TYW1: variants seen among roughly 807,000 people sequenced by gnomAD.
TYW1 encodes tRNA-yW synthesizing protein 1 homolog.
A neutral mutation model predicts 96.2 loss-of-function variants in TYW1; 46 were observed. The observed-to-expected ratio is 0.48, with a 90% CI of 0.38 to 0.61. TYW1 has a LOEUF of 0.61. Ranked by LOEUF, TYW1 falls within the 20% of genes least tolerant of loss-of-function variation. The pLI, the probability that TYW1 is intolerant of heterozygous loss-of-function variation, is 0.00. For synonymous variants in TYW1, 274 were observed against 323.0 expected (o/e 0.85, Z 1.63); for missense variants, 684 against 909.6 (o/e 0.75, Z 3.19).
At chr7:67,219,605 T>C (rs1801314426) in intron 15 of TYW1, among the ~76,000 whole-genome samples, 1 of 152,232 alleles carries the variant, frequency 6.6e-6, no homozygotes, top group Non-Finnish European at 1.5e-5. Context: ...CTTTGTGACT[T>C]AGTCTTGGTA....
intron 13 of TYW1, among the ~76,000 whole-genome samples, chr7:67,135,271 C>T (rs1009416776): frequency 6.8e-6 from 1 of 147,706 alleles, no homozygotes; most frequent in African/African-American, 2.5e-5. Flanking sequence ...TCACCCCAAC[C>T]AAGTTTCTTT....
chr7:67,039,205 C>T (rs1484628811), intron 7 of TYW1, among the ~76,000 whole-genome samples: 1 of 152,042 alleles, frequency 6.6e-6, no homozygotes, highest in Non-Finnish European at 1.5e-5. Flanking sequence ...TCCTGTAATC[C>T]CAGTCCTTTG....
chr7:67,223,443 C>T (rs1157417436), intron 15 of TYW1, among the ~76,000 whole-genome samples: 1 of 152,056 alleles, frequency 6.6e-6, no homozygotes, highest in East Asian at 1.9e-4. Flanking sequence ...TGTACCTTTC[C>T]CTGGGCATCC....
At chr7:67,162,337 T>C (rs1379325660) in intron 13 of TYW1, among the ~76,000 whole-genome samples, 8 of 134,830 alleles carry the variant, frequency 5.9e-5, no homozygotes, top group Admixed American at 1.5e-4. Context: ...AAAAAAAAAA[T>C]TCTGAACATC....
chr7:67,162,500 A>G (rs776392016), intron 13 of TYW1, among the ~76,000 whole-genome samples: 1 of 152,246 alleles, frequency 6.6e-6, no homozygotes. Flanking sequence ...TTAGAGATGT[A>G]TAGTTTGGGG....
intron 6 of TYW1, among the ~76,000 whole-genome samples, chr7:67,024,164 C>T (rs1021201825): frequency 1.3e-5 from 2 of 152,056 alleles, no homozygotes; most frequent in African/African-American, 4.8e-5. Context: ...TAGTCTGATG[C>T]TAAAGACTTA....
intron 13 of TYW1, among the ~76,000 whole-genome samples, chr7:67,161,531 G>T (rs544763461): frequency 1.1e-3 from 173 of 152,214 alleles, no homozygotes; most frequent in African/African-American, 4.0e-3. Context: ...GTGCTCTAAC[G>T]GGCAGCTAGG....
At chr7:67,070,147 T>G (rs1202996461) in intron 10 of TYW1, among the ~76,000 whole-genome samples, 1 of 152,234 alleles carries the variant, frequency 6.6e-6, no homozygotes, top group African/African-American at 2.4e-5. Context: ...TCTCTCTCGC[T>G]TCTTTCAAGT....
At chr7:67,210,710 T>C (rs59229186) in intron 15 of TYW1, among the ~76,000 whole-genome samples, 17,850 of 91,892 alleles carry the variant, frequency 0.19, 1,490 homozygotes, top group African/African-American at 0.33. Context: ...ATCCATCCAT[T>C]CATCATCTGT....
At chr7:67,125,124 C>T (rs1266137008) in intron 13 of TYW1, among the ~76,000 whole-genome samples, 26 of 152,256 alleles carry the variant, frequency 1.7e-4, no homozygotes, top group African/African-American at 6.0e-4. Flanking sequence ...TGAGCCACTG[C>T]GCCTGGCCTG....
intron 14 of TYW1, among the ~76,000 whole-genome samples, chr7:67,188,150 T>C (rs562768923): frequency 6.6e-6 from 1 of 152,200 alleles, no homozygotes; most frequent in East Asian, 1.9e-4. Flanking sequence ...TGAAACCCTG[T>C]CTCTACTAAA....
In TYW1 at chr7:67,217,025, C is replaced by G. The variant is rs184657836; in HGVS notation, c.1978-21283C>G. Among the ~76,000 whole-genome samples, 5 of 145,150 alleles carry G rather than the reference C, an allele frequency of 3.4e-5. No homozygotes were observed. The East Asian group carries it at 9.7e-4, about 28-fold the overall frequency. On this transcript the variant is annotated intron_variant, in intron 15 of 15. Transcript: ENST00000359626. ...CTCTGAGTTCTTATTGTAGTTTTGA[C>G]TTATATTTGCCTAATAAGTGATGCT...
At position 67,040,200 on chromosome 7, in the gene TYW1, C is replaced by T. The variant is rs140298765; in HGVS notation, c.985-9749C>T. ...TTTGAACTCCTGACCTCAAGTGATC[C>T]GCCCGCCTTGGCCTCCCAAAGTGCT... On this transcript the variant is annotated intron_variant, in intron 7 of 15. Transcript: ENST00000359626. 7.2e-3 allele frequency among the ~76,000 whole-genome samples: 1,098 copies of T among 152,218 alleles called. 8 individuals are homozygous for T. Among genetic ancestry groups the T allele is most frequent in the African/African-American group, 0.025 (1,029 of 41,534 alleles).
At chr7:67,123,626 A>G (rs975687384) in intron 13 of TYW1, among the ~76,000 whole-genome samples, 7 of 147,426 alleles carry the variant, frequency 4.7e-5, no homozygotes, top group African/African-American at 1.8e-4. Flanking sequence ...CTCTTTAGCA[A>G]CGGATTGTAG....
chr7:67,131,408 C>G (rs1798070089), intron 13 of TYW1, among the ~76,000 whole-genome samples: 1 of 152,144 alleles, frequency 6.6e-6, no homozygotes, highest in South Asian at 2.1e-4. Flanking sequence ...TAACTATAGT[C>G]TAGCTTAAGA....
At chr7:67,040,333 C>T (rs1289178827) in intron 7 of TYW1, among the ~76,000 whole-genome samples, 2 of 152,038 alleles carry the variant, frequency 1.3e-5, no homozygotes, top group Non-Finnish European at 2.9e-5. Flanking sequence ...TTATAATTAA[C>T]ACTGGTCTGA....
intron 10 of TYW1, among the ~76,000 whole-genome samples, chr7:67,069,576 G>A (rs1795970743): frequency 1.3e-5 from 2 of 152,012 alleles, no homozygotes; most frequent in Admixed American, 6.6e-5. Context: ...TTGTCTCTAC[G>A]AAACTTGCAA....
intron 9 of TYW1, among the ~76,000 whole-genome samples, chr7:67,060,131 A>G (rs1248499140): frequency 6.6e-6 from 1 of 151,486 alleles, no homozygotes; most frequent in Admixed American, 6.6e-5. Flanking sequence ...GCTGGAGTAC[A>G]GTGGCGTGAT....
At chr7:67,203,014 A>ATG (rs1800651885) in intron 15 of TYW1, among the ~76,000 whole-genome samples, 2 of 152,208 alleles carry the variant, frequency 1.3e-5, no homozygotes, top group Admixed American at 1.3e-4. Flanking sequence ...ATGCATTCAC[A>ATG]TGTGTGTGTT....
Sources: allele counts gnomAD v4.1 joint callset (sites outside exome capture counted in the v4.1 genomes callset), GRCh38; gene constraint gnomAD v4.1.1; transcripts MANE v1.5; gene names NCBI Gene and HGNC (gene_info 2026-07-23, HGNC 2026-07-21).